The following MBD5 variants were observed in gnomAD, a reference collection of about 807,000 sequenced individuals.
MBD5 encodes methyl-CpG binding domain protein 5.
MBD5 carries 13 observed loss-of-function variants against 117.3 expected under a neutral mutation model. The observed-to-expected ratio is 0.11, with a 90% CI of 0.07 to 0.18. The LOEUF (loss-of-function observed/expected upper bound fraction) is 0.18. Among genes scored for constraint, MBD5 ranks in the 10% least tolerant of loss-of-function variants. The pLI, the probability that MBD5 is intolerant of heterozygous loss-of-function variation, is 1.00. For missense variants in MBD5, 1,879 were observed against 2,093.8 expected (o/e 0.90, Z 2.00); for synonymous variants, 727 against 766.4 (o/e 0.95, Z 0.85).
intron 11 of MBD5, among the ~76,000 whole-genome samples, chr2:148,497,252 G>A (rs981731080): frequency 6.6e-6 from 1 of 151,496 alleles, no homozygotes; most frequent in African/African-American, 2.4e-5. Flanking sequence ...TATTTATTAG[G>A]CACAAATGTA....
chr2:148,336,373 C>A lies in MBD5; in HGVS notation c.-679-5841C>A, dbSNP rs531125005. Among the ~76,000 whole-genome samples, 3 of 152,054 alleles carry A rather than the reference C, an allele frequency of 2.0e-5. No homozygotes were observed. In the South Asian group the frequency reaches 6.2e-4, roughly 32 times the overall value. On this transcript the variant is annotated intron_variant, in intron 3 of 13. Transcript: ENST00000642680. Reference sequence around the variant, plus strand: ...TTCTACCCCTATCTCCTATTTGTATCCCTTCTACTCTTCTTTTCTTTCTTT... The same window carrying A: ...TTCTACCCCTATCTCCTATTTGTATACCTTCTACTCTTCTTTTCTTTCTTT...
chr2:148,153,162 T>A (rs1343706051), intron 1 of MBD5, among the ~76,000 whole-genome samples: 1 of 151,572 alleles, frequency 6.6e-6, no homozygotes, highest in African/African-American at 2.4e-5. Context: ...CAGCATTTGC[T>A]TGTCTGTAAA....
chr2:148,247,675 G>T (rs141672537), intron 3 of MBD5, among the ~76,000 whole-genome samples: 2 of 151,850 alleles, frequency 1.3e-5, no homozygotes, highest in Non-Finnish European at 2.9e-5. Context: ...CTTTTCCTTG[G>T]GGTTATGTGG....
Position 148,468,667 on chromosome 2 carries a change from G to A in MBD5, c.724G>A (p.Asp242Asn). Residue 242 changes from aspartate (D) to asparagine (N), a missense_variant, in exon 8 of 14, where the codon GAC (aspartate) becomes AAC (asparagine). By Grantham distance (23) the Asp-to-Asn change is conservative. Coordinates refer to ENST00000642680, the MANE Select transcript of MBD5 (RefSeq NM_001378120.1). Reference protein sequence around the residue: ...YGDGSISPRTDPLGSPDVFTR... With the variant: ...YGDGSISPRTNPLGSPDVFTR... ...AGATGGTTCAATCTCTCCAAGGACTGACCCACTTGGAAGTCCTGATGTTTT... is the reference window on the plus strand; with the variant it reads ...AGATGGTTCAATCTCTCCAAGGACTAACCCACTTGGAAGTCCTGATGTTTT... 1.2e-6 allele frequency: 2 copies of A among 1,613,848 alleles called. No individual in the cohort carries two copies. The highest frequency in any genetic ancestry group is 1.7e-6 in the Non-Finnish European group (2 of 1,179,838).
chr2:148,142,013 A>G (rs1204801720), intron 1 of MBD5, among the ~76,000 whole-genome samples: 3 of 152,020 alleles, frequency 2.0e-5, no homozygotes, highest in African/African-American at 2.4e-5. Flanking sequence ...TTGGAAACTT[A>G]AATAGGCTGG....
intron 8 of MBD5, among the ~76,000 whole-genome samples, chr2:148,479,425 T>C (rs929009965): frequency 6.6e-6 from 1 of 152,214 alleles, no homozygotes; most frequent in Non-Finnish European, 1.5e-5. Flanking sequence ...AGTGCAAGTT[T>C]TATGATTTTA....
intron 1 of MBD5, among the ~76,000 whole-genome samples, chr2:148,175,325 C>T (rs539226801): frequency 6.6e-6 from 1 of 152,160 alleles, no homozygotes; most frequent in Non-Finnish European, 1.5e-5. Flanking sequence ...TTTAAAACCA[C>T]AAATTTATAT....
At chr2:148,421,557 A>G (rs1044260247) in intron 4 of MBD5, among the ~76,000 whole-genome samples, 8 of 151,614 alleles carry the variant, frequency 5.3e-5, no homozygotes, top group Admixed American at 3.3e-4. Flanking sequence ...ACCCAGTGGC[A>G]CCTGGAAATG....
intron 9 of MBD5, 90 bp downstream of exon 9, chr2:148,484,225 AT>A: frequency 8.7e-7 from 1 of 1,146,502 alleles, no homozygotes; most frequent in Non-Finnish European, 1.2e-6. Flanking sequence ...TTGTCACACT[AT>A]TTTTAAAAAT....
chr2:148,441,435 T>C (rs1706320435), intron 4 of MBD5, among the ~76,000 whole-genome samples: 1 of 152,058 alleles, frequency 6.6e-6, no homozygotes, highest in African/African-American at 2.4e-5. Flanking sequence ...GGACATGAAC[T>C]CATCATTTTT....
chr2:148,422,485 C>A (rs749428063), intron 4 of MBD5, among the ~76,000 whole-genome samples: 2 of 152,132 alleles, frequency 1.3e-5, no homozygotes, highest in Non-Finnish European at 2.9e-5. Context: ...GAGAAACCAG[C>A]GCAAAAAGGC....
rs545533925 is a variant in MBD5 at position 148,420,933 on chromosome 2, T to G, written c.-556-37270T>G. 2.0e-5 allele frequency among the ~76,000 whole-genome samples: 3 copies of G among 152,270 alleles called. No homozygotes were observed. The East Asian group carries it at 5.8e-4, about 29-fold the overall frequency. On this transcript the variant is annotated intron_variant, in intron 4 of 13. Transcript: ENST00000642680. ...TGGTAGTGACAGGGTTTTGCCATTT[T>G]GCCGAGGCTGGTCTTGAATTCCTGG... is the stretch of plus-strand genomic sequence containing the variant.
At chr2:148,178,903 G>A (rs1289788636) in intron 2 of MBD5, 110 bp downstream of exon 2, 1 of 391,708 alleles carries the variant, frequency 2.6e-6, no homozygotes, top group East Asian at 3.6e-5. Context: ...TCCTGTCTAA[G>A]TTACCTCACA....
intron 3 of MBD5, among the ~76,000 whole-genome samples, chr2:148,325,132 T>C (rs1484485277): frequency 6.6e-6 from 1 of 152,236 alleles, no homozygotes; most frequent in African/African-American, 2.4e-5. Flanking sequence ...TATGCTGGAT[T>C]ATATTTATTG....
intron 1 of MBD5, chr2:148,027,280 A>T (rs1481044124): frequency 6.6e-6 from 1 of 152,132 alleles, no homozygotes; most frequent in Non-Finnish European, 1.5e-5. Flanking sequence ...AGAATGATCA[A>T]CTTGTTGGGT....
Position 148,483,634 on chromosome 2 carries a change from C to A in MBD5, c.3043C>A (p.Leu1015Ile). The A allele has an allele frequency of 1.3e-6, 2 of 1,551,654 alleles. No individual in the cohort carries two copies. Among genetic ancestry groups the A allele is most frequent in the Non-Finnish European group, 1.7e-6 (2 of 1,147,340 alleles). Reference protein sequence around the residue: ...LPSFNLTISDLLQQQNTPLPS... With the variant: ...LPSFNLTISDILQQQNTPLPS... ...ATCTTTCAATCTGACCATCTCAGAT[C>A]TTTTGCAACAGCAAAATACCCCTTT... Residue 1015 changes from leucine to isoleucine, a missense_variant, in exon 9 of 14, where the codon CTT (leucine) becomes ATT (isoleucine). Around this residue, in one of 4 missense-constraint regions of MBD5, gnomAD observed 1,666 missense variants for 1,792.2 expected, o/e 0.93. Coordinates refer to ENST00000642680, the MANE Select transcript of MBD5 (RefSeq NM_001378120.1).
intron 10 of MBD5, 90 bp from the exon 11 acceptor site, chr2:148,489,286 ATTTGTTTGTC>A (rs1681437586): frequency 7.1e-7 from 1 of 1,411,568 alleles, no homozygotes; most frequent in South Asian, 1.2e-5. Flanking sequence ...CCTTGTTAAT[ATTTGTTTGTC>A]TTTTGGTAAA....
chr2:148,178,875 T>C, intron 2 of MBD5, 82 bp downstream of exon 2: 1 of 394,710 alleles, frequency 2.5e-6, no homozygotes, highest in Non-Finnish European at 4.5e-6. Context: ...GTTAAACTTG[T>C]TTACTTTTTA....
At chr2:148,053,001 T>C (rs1362619223) in intron 1 of MBD5, among the ~76,000 whole-genome samples, 3 of 151,664 alleles carry the variant, frequency 2.0e-5, no homozygotes, top group South Asian at 4.2e-4. Context: ...CAATGTGTAT[T>C]CTACTTGGGG....
Sources: allele counts gnomAD v4.1 joint callset (sites outside exome capture counted in the v4.1 genomes callset), GRCh38; gene constraint gnomAD v4.1.1; regional missense constraint gnomAD v4.1.1; transcripts MANE v1.5; gene names NCBI Gene and HGNC (gene_info 2026-07-23, HGNC 2026-07-21).